KLHDC4: variants seen among roughly 807,000 people sequenced by gnomAD.
KLHDC4 encodes kelch domain containing 4, also known as kelch domain-containing protein 4.
KLHDC4 carries 90 observed loss-of-function variants against 62.4 expected under a neutral mutation model. The observed-to-expected ratio is 1.44, with a 90% CI of 1.22 to 1.72. The LOEUF is 1.72. KLHDC4 is among the 40% of genes most tolerant of loss of function. The pLI is 0.00. For missense variants in KLHDC4, 1,025 were observed against 699.7 expected (o/e 1.47, Z -5.25); for synonymous variants, 386 against 284.4 (o/e 1.36, Z -3.59).
At chr16:87,762,255 T>C (rs926865974) in intron 1 of KLHDC4, 13 of 925,550 alleles carry the variant, frequency 1.4e-5, no homozygotes, top group Non-Finnish European at 2.0e-5. Context: ...GGTAGATGTG[T>C]GCACCAAGTA....
At chr16:87,758,558 G>C (rs1486499519) in intron 2 of KLHDC4, among the ~76,000 whole-genome samples, 1 of 152,134 alleles carries the variant, frequency 6.6e-6, no homozygotes, top group Non-Finnish European at 1.5e-5. Context: ...GGGAAACAGG[G>C]AGCAACCATT....
intron 4 of KLHDC4, among the ~76,000 whole-genome samples, chr16:87,749,283 C>T (rs781062097): frequency 2.0e-5 from 3 of 152,060 alleles, no homozygotes; most frequent in Non-Finnish European, 4.4e-5. Context: ...GTGCCAGGCG[C>T]GGTGGCTCAC....
At chr16:87,701,089 T>C (rs964671571) in exon 1 of KLHDC4, 17 of 184,114 alleles carry the variant, frequency 9.2e-5, no homozygotes, top group Admixed American at 7.0e-4. Context: ...AGCCAGGCTG[T>C]ATTTTCACCA....
chr16:87,765,812 T>A lies in KLHDC4; in HGVS notation c.79A>T (p.Lys27Ter). 3 of 1,569,778 alleles carry A rather than the reference T, an allele frequency of 1.9e-6. No homozygotes were observed. The South Asian group carries it at 3.5e-5, about 18-fold the overall frequency. Reference sequence around the variant, plus strand: ...CTCACCTCCTCCTTCCGCGAGCGCTTAGACACCTTCTTCTCCATCTTGGCG... The same window carrying A: ...CTCACCTCCTCCTTCCGCGAGCGCTAAGACACCTTCTTCTCCATCTTGGCG... ...TAAKMEKKVS[K>*]RSRKEEEDLE... Residue 27 changes from lysine (K) to a stop codon, truncating the protein, a stop_gained, in exon 1 of 12, where the codon AAG (lysine) becomes TAG (stop). Transcript: ENST00000270583. LOFTEE classifies it high-confidence loss of function.
intron 4 of KLHDC4, among the ~76,000 whole-genome samples, chr16:87,752,972 G>T (rs1597356815): frequency 6.6e-6 from 1 of 152,192 alleles, no homozygotes; most frequent in African/African-American, 2.4e-5. Flanking sequence ...CTGTGAACCT[G>T]AGAGCCAGGA....
intron 4 of KLHDC4, among the ~76,000 whole-genome samples, chr16:87,752,089 CAAAAAA>C (rs1173625123): frequency 2.0e-4 from 6 of 29,468 alleles, no homozygotes; most frequent in South Asian, 2.3e-3. Flanking sequence ...GACTTTGTCT[CAAAAAA>C]AAAAAAAAAA....
rs2036534775 is a variant in KLHDC4 at position 87,714,480 on chromosome 16, G to C, written c.835+18C>G. On this transcript the variant is annotated intron_variant, in intron 8 of 11. Transcript: ENST00000270583. ...CACAGACCAGCCAGCTCCCGCCCTG[G>C]AGGCACAGCACCTCTACCTTCTCTT... 1 of 1,613,814 alleles carries C rather than the reference G, an allele frequency of 6.2e-7. No individual in the cohort carries two copies. The highest frequency in any genetic ancestry group is 1.7e-5 in the Admixed American group (1 of 59,996).
chr16:87,716,685 C>A (rs1248490613), intron 7 of KLHDC4, among the ~76,000 whole-genome samples: 5 of 152,182 alleles, frequency 3.3e-5, no homozygotes, highest in Admixed American at 2.6e-4. Context: ...AATCCCAGCA[C>A]TTCAGGAGGC....
intron 5 of KLHDC4, among the ~76,000 whole-genome samples, chr16:87,738,059 T>C (rs1418669690): frequency 6.6e-6 from 1 of 152,190 alleles, no homozygotes; most frequent in East Asian, 1.9e-4. Context: ...CCCAGGTTAC[T>C]GTGGAGTCAG....
At chr16:87,759,099 G>A (rs2045470303) in intron 2 of KLHDC4, among the ~76,000 whole-genome samples, 1 of 152,134 alleles carries the variant, frequency 6.6e-6, no homozygotes, top group African/African-American at 2.4e-5. Flanking sequence ...TTGAACCTGG[G>A]AGGTGGAGGT....
At chr16:87,748,046 G>C (rs1050075661) in intron 5 of KLHDC4, among the ~76,000 whole-genome samples, 1 of 152,220 alleles carries the variant, frequency 6.6e-6, no homozygotes, top group South Asian at 2.1e-4. Context: ...CATTCGACTA[G>C]ACTTCTTCTC....
chr16:87,748,688 G>C lies in KLHDC4; in HGVS notation c.491C>G (p.Thr164Ser). 1.2e-6 allele frequency: 2 copies of C among 1,613,678 alleles called. No homozygotes were observed. Among genetic ancestry groups the C allele is most frequent in the Middle Eastern group, 1.6e-4 (1 of 6,062 alleles). Residue 164 changes from threonine to serine, a missense_variant, in exon 5 of 12, where the codon ACC (threonine) becomes AGC (serine). Thr to Ser is a moderately conservative substitution (Grantham distance 58, BLOSUM62 1). Transcript: ENST00000270583. The stretch of plus-strand genomic sequence containing the variant: ...GGCTTCTTACTTGACTTGTTCCCAG[G>C]TCTTGGTGGCCAAATGCAGGACCCA... The part of the protein sequence containing the change: ...DLWVLHLATK[T>S]WEQVKSTGGP...
chr16:87,714,251 G>T (rs1269905506), intron 8 of KLHDC4, among the ~76,000 whole-genome samples: 1 of 152,184 alleles, frequency 6.6e-6, no homozygotes, highest in African/African-American at 2.4e-5. Context: ...TGTCTGCAGG[G>T]TAACAGCGCC....
At chr16:87,765,271 G>A in intron 1 of KLHDC4, 1 of 456,118 alleles carries the variant, frequency 2.2e-6, no homozygotes, top group South Asian at 1.5e-5. Flanking sequence ...ATACCCCGTG[G>A]CTCCAGTGCC....
At chr16:87,744,165 C>A (rs1193689086) in intron 5 of KLHDC4, among the ~76,000 whole-genome samples, 1 of 152,242 alleles carries the variant, frequency 6.6e-6, no homozygotes, top group South Asian at 2.1e-4. Flanking sequence ...CCTGTAATCC[C>A]AGCACTTTGT....
At chr16:87,733,826 C>A (rs997142350) in intron 5 of KLHDC4, among the ~76,000 whole-genome samples, 3 of 152,304 alleles carry the variant, frequency 2.0e-5, no homozygotes, top group Admixed American at 6.5e-5. Context: ...TCCCTGGGAT[C>A]CTCCGTGGCT....
exon 1 of KLHDC4, chr16:87,699,315 C>G (rs1489337339): frequency 1.3e-5 from 2 of 152,248 alleles, no homozygotes; most frequent in East Asian, 1.9e-4. Flanking sequence ...GGATCTAGAA[C>G]CATTACCTCA....
At chr16:87,757,903 A>G (rs2045239578) in intron 2 of KLHDC4, among the ~76,000 whole-genome samples, 1 of 152,132 alleles carries the variant, frequency 6.6e-6, no homozygotes, top group African/African-American at 2.4e-5. Context: ...AAAACAAAAA[A>G]TAAATAAATA....
At position 87,731,046 on chromosome 16, in the gene KLHDC4, C is replaced by CTT. The variant is rs774096264; in HGVS notation, c.507-404_507-403dup. ...TTGTATCCAGAATACATACAGAATT[C>CTT]TTTTTTTTTTTTTTTTTTTTTTTTT... On this transcript the variant is annotated intron_variant, in intron 5 of 11. Transcript: ENST00000270583. 3.7e-3 allele frequency: 270 copies of CTT among 72,068 alleles called. 25 individuals carry two copies. The highest frequency in any genetic ancestry group is 0.011 in the Admixed American group (47 of 4,310). 4.5% of individuals were successfully genotyped at this position (72,068 alleles called of 1,614,324 possible).
Sources: gnomAD v4.1 joint callset for allele counts (sites outside exome capture counted in the v4.1 genomes callset) on GRCh38, gnomAD v4.1.1 for gene constraint, MANE v1.5 for transcripts, NCBI Gene and HGNC (gene_info 2026-07-23, HGNC 2026-07-21) for gene names.